Variants in SRCIN1 observed in about 807,000 individuals in gnomAD.
SRCIN1 encodes P130Cas-associated protein.
Under a neutral mutation model 116.2 loss-of-function variants are expected in SRCIN1, and 50 were observed. The observed-to-expected ratio is 0.43, with a 90% CI of 0.34 to 0.54. The LOEUF is 0.54. Among genes scored for constraint, SRCIN1 ranks in the 20% least tolerant of loss-of-function variants. The pLI is 0.02. For synonymous variants in SRCIN1, 736 were observed against 750.0 expected (o/e 0.98, Z 0.30); for missense variants, 1,446 against 1,672.0 (o/e 0.86, Z 2.36).
chr17:38,593,994 G>A lies in SRCIN1; in HGVS notation c.22+11690C>T, dbSNP rs567231385. On this transcript the variant is annotated intron_variant, in intron 1 of 18. Transcript: ENST00000617146. ...ACCTTTTTACGGAGGCAGAAAGTAA[G>A]TCTTGTAAGGTACTGAGCTCCCCAT... 2.6e-4 allele frequency among the ~76,000 whole-genome samples: 39 copies of A among 152,366 alleles called. 1 individual carries two copies. The South Asian group carries it at 7.9e-3, about 31-fold the overall frequency.
chr17:38,568,500 T>C lies in SRCIN1; in HGVS notation c.325-269A>G, dbSNP rs967202147. The stretch of plus-strand genomic sequence containing the variant: ...TGGGAAAAGGCACAGAGGATGGTGA[T>C]AGAGCGAACCCATGAGGCAGTCACA... On this transcript the variant is annotated intron_variant, in intron 2 of 18. Transcript: ENST00000617146. The surrounding 1 kb of genome is among the most constrained non-coding windows in gnomAD (Gnocchi z 4.5). Among the ~76,000 whole-genome samples the C allele has an allele frequency of 1.3e-5, 2 of 152,140 alleles. No homozygotes were observed. The highest frequency in any genetic ancestry group is 4.8e-5 in the African/African-American group (2 of 41,428).
Position 38,560,440 on chromosome 17 carries a change from G to T in SRCIN1, c.1701-15C>A. 6.2e-7 allele frequency: 1 copy of T among 1,600,024 alleles called. No individual in the cohort carries two copies. Among genetic ancestry groups the T allele is most frequent in the Non-Finnish European group, 8.5e-7 (1 of 1,173,132 alleles). On this transcript the variant is annotated splice_polypyrimidine_tract_variant and intron_variant, in intron 7 of 18. Transcript: ENST00000617146. ...CCATGCGCTCCCTGGGGAGGAAGGG[G>T]GTCTGGGCAACCTCGCCTCTGAGCA...
chr17:38,560,169 G>A, intron 8 of SRCIN1, 72 bp from the exon 9 acceptor site: 1 of 1,431,068 alleles, frequency 7.0e-7, no homozygotes, highest in Non-Finnish European at 9.4e-7. Context: ...GTGGAACCTT[G>A]GATGTCATCT....
Position 38,562,348 on chromosome 17 carries a change from G to C in SRCIN1, c.835-20C>G. ...CTCTCTCTGCGCAGAAGACAGCCCG[G>C]AACCCCACGGGGCTGGTCACCAAGG... On this transcript the variant is annotated intron_variant, in intron 6 of 18. Transcript: ENST00000617146. This position sits in a 1 kb window ranked among gnomAD's most constrained non-coding sequence, Gnocchi z 4.2. 6.3e-6 allele frequency: 9 copies of C among 1,432,070 alleles called. No homozygotes were observed. The highest frequency in any genetic ancestry group is 7.3e-6 in the Non-Finnish European group (8 of 1,102,890). The allele number at this position is 1,432,070 out of a possible 1,614,324, so 88.7% of individuals were successfully genotyped here. A position where few individuals can be genotyped will look rare whatever the true frequency, so the allele number is the denominator to read the frequency against.
At position 38,605,719 on chromosome 17, in the gene SRCIN1, G is replaced by A; in HGVS notation, c.-14C>T. On this transcript the variant is annotated 5_prime_UTR_variant, in exon 1 of 19. Transcript: ENST00000617146. ...AGCGTTCCCCATCGGGCGGGGGCGC[G>A]GGGGGCGGGGGCCCCGGGCCGGCCT... 1.7e-6 allele frequency: 2 copies of A among 1,192,150 alleles called. No homozygotes were observed. The highest frequency in any genetic ancestry group is 4.7e-5 in the Admixed American group (1 of 21,248). 73.8% of individuals were successfully genotyped at this position (1,192,150 alleles called of 1,614,324 possible). A position where few individuals can be genotyped will look rare whatever the true frequency, so the allele number is the denominator to read the frequency against.
rs566553631 is a variant in SRCIN1 at position 38,530,809 on chromosome 17, A to C, written c.*2488T>G. 1 of 152,406 alleles carries C rather than the reference A, an allele frequency of 6.6e-6. No individual in the cohort carries two copies. Among genetic ancestry groups the C allele is most frequent in the African/African-American group, 2.4e-5 (1 of 41,576 alleles). The allele number at this position is 152,406 out of a possible 1,614,324, so 9.4% of individuals were successfully genotyped here. ...CTCTCACGCTAACATGCAGGTAGGC[A>C]CGTGCCAATGCCCAAACAGGTTACA... On this transcript the variant is annotated 3_prime_UTR_variant, in exon 19 of 19. Transcript: ENST00000617146.
chr17:38,538,409 T>C (rs1464051409), intron 18 of SRCIN1, among the ~76,000 whole-genome samples: 6 of 123,214 alleles, frequency 4.9e-5, no homozygotes, highest in African/African-American at 2.3e-4. Flanking sequence ...AGAGTGAGAC[T>C]CCGTCTCAAA....
rs773389263 is a variant in SRCIN1 at position 38,552,071 on chromosome 17, C to T, written c.2542G>A (p.Val848Met). The change falls in exon 14 of 19, where the codon GTG becomes ATG. Residue 848 changes from valine (V) to methionine (M), a missense_variant. Physicochemically the swap from Val to Met is conservative, Grantham distance 21. This residue lies in a region of SRCIN1 where 531 missense variants were observed against 633.9 expected (regional missense o/e 0.84). Coordinates refer to ENST00000617146, the MANE Select transcript of SRCIN1 (RefSeq NM_025248.3). The surrounding 1 kb of genome is among the most constrained non-coding windows in gnomAD (Gnocchi z 5.3). ...NNLLSQSPKKVTAETDFNKSV... is the reference protein window; with the variant it reads ...NNLLSQSPKKMTAETDFNKSV... ...TTGTTGAAGTCAGTCTCTGCCGTCA[C>T]CTTCTTGGGGGACTGACTCAGGAGA... 4 of 1,613,574 alleles carry T rather than the reference C, an allele frequency of 2.5e-6. No individual in the cohort carries two copies. The highest frequency in any genetic ancestry group is 3.4e-6 in the Non-Finnish European group (4 of 1,179,890).
rs1246846811 is a variant in SRCIN1, at chr17:38,561,795, G to A, written c.1368C>T (p.Gly456=). 1.3e-6 allele frequency: 2 copies of A among 1,482,926 alleles called. No individual in the cohort carries two copies. The highest frequency in any genetic ancestry group is 2.7e-5 in the East Asian group (1 of 37,692). The allele number at this position is 1,482,926 out of a possible 1,614,324, so 91.9% of individuals were successfully genotyped here. ...DLEDSLYKAA[G]GGGPLYGDGY... ...CGTCGCCGTACAGCGGGCCGCCGCCGCCCGCCGCCTTGTACAGGGAGTCCT... is the reference window on the plus strand; with the variant it reads ...CGTCGCCGTACAGCGGGCCGCCGCCACCCGCCGCCTTGTACAGGGAGTCCT... Residue 456 remains glycine, a synonymous_variant, in exon 7 of 19, where the codon GGC becomes GGT. Transcript: ENST00000617146.
intron 18 of SRCIN1, among the ~76,000 whole-genome samples, chr17:38,538,569 C>A (rs73982821): frequency 0.024 from 3,638 of 152,232 alleles, 168 homozygotes; most frequent in African/African-American, 0.084. Flanking sequence ...TTACAGGATA[C>A]CTTTCCTTAT....
Position 38,563,583 on chromosome 17 carries a change from G to A in SRCIN1, c.542-62C>T. The A allele has an allele frequency of 6.5e-7, 1 of 1,534,490 alleles. No individual in the cohort carries two copies. The highest frequency in any genetic ancestry group is 1.4e-5 in the African/African-American group (1 of 73,106). ...CGTCTCCACGCCGCCCTCCAGGAGAGCGCGGGGAGCTTTTCGGAGCTGCGC... is the reference window on the plus strand; with the variant it reads ...CGTCTCCACGCCGCCCTCCAGGAGAACGCGGGGAGCTTTTCGGAGCTGCGC... On this transcript the variant is annotated intron_variant, in intron 4 of 18. Transcript: ENST00000617146. This position sits in a 1 kb window ranked among gnomAD's most constrained non-coding sequence, Gnocchi z 5.8.
Position 38,603,294 on chromosome 17 carries a change from A to G in SRCIN1, c.22+2390T>C, listed in dbSNP as rs151051119. ...CCCAGTGCCCAACCCAGTATCCTGC[A>G]CATCTTTAAGACGCCTGGAACCCAG... On this transcript the variant is annotated intron_variant, in intron 1 of 18. Coordinates refer to ENST00000617146, the MANE Select transcript of SRCIN1 (RefSeq NM_025248.3). Among the ~76,000 whole-genome samples the G allele has an allele frequency of 3.1e-3, 464 of 152,080 alleles. 1 individual carries two copies. The highest frequency in any genetic ancestry group is 0.011 in the African/African-American group (436 of 41,468).
Position 38,562,897 on chromosome 17 carries a change from A to G in SRCIN1, c.764T>C (p.Ile255Thr). Residue 255 changes from isoleucine (I) to threonine (T), a missense_variant, in exon 6 of 19, where the codon ATC (isoleucine) becomes ACC (threonine). Physicochemically the swap from Ile to Thr is moderately conservative, Grantham distance 89 (BLOSUM62 -1). This residue lies in a region of SRCIN1 where 239 missense variants were observed against 317.7 expected (regional missense o/e 0.75). Transcript: ENST00000617146. This position sits in a 1 kb window ranked among gnomAD's most constrained non-coding sequence, Gnocchi z 4.2. ...GAGGGGCTCCTTTCTGTAGATCTTG[A>G]TAATACTGCGGTCCTGGATGTCCCT... ...DVRDIQDRSI[I>T]KIYRKEPLYA... The G allele has an allele frequency of 6.2e-7, 1 of 1,613,772 alleles. No homozygotes were observed. Among genetic ancestry groups the G allele is most frequent in the Non-Finnish European group, 8.5e-7 (1 of 1,179,806 alleles).
At position 38,533,223 on chromosome 17, in the gene SRCIN1, G is replaced by A. The variant is rs1347676390; in HGVS notation, c.*74C>T. On this transcript the variant is annotated 3_prime_UTR_variant, in exon 19 of 19. Coordinates refer to ENST00000617146, the MANE Select transcript of SRCIN1 (RefSeq NM_025248.3). ...CTGGAGAGTAGGGTGGGGTGGGGTGGAGATGAAGGAAGAGAGGGGAGAAAT... is the reference window on the plus strand; with the variant it reads ...CTGGAGAGTAGGGTGGGGTGGGGTGAAGATGAAGGAAGAGAGGGGAGAAAT... 5.2e-5 allele frequency: 78 copies of A among 1,487,412 alleles called. No individual in the cohort carries two copies. Among genetic ancestry groups the A allele is most frequent in the Non-Finnish European group, 6.9e-5 (77 of 1,117,440 alleles). 92.1% of individuals were successfully genotyped at this position (1,487,412 alleles called of 1,614,324 possible). A position where few individuals can be genotyped will look rare whatever the true frequency, so the allele number is the denominator to read the frequency against.
intron 1 of SRCIN1, among the ~76,000 whole-genome samples, chr17:38,584,949 C>A (rs1162215746): frequency 6.6e-6 from 1 of 152,090 alleles, no homozygotes; most frequent in Admixed American, 6.5e-5. Context: ...TCTCTGGGGC[C>A]CCTGATGTGA....
chr17:38,571,214 C>T (rs1446223950), intron 2 of SRCIN1, among the ~76,000 whole-genome samples: 1 of 152,146 alleles, frequency 6.6e-6, no homozygotes, highest in Admixed American at 6.5e-5. Flanking sequence ...TGGGACATTC[C>T]CAGTCACTCC....
intron 1 of SRCIN1, among the ~76,000 whole-genome samples, chr17:38,591,936 T>C (rs1003936462): frequency 6.6e-6 from 1 of 152,242 alleles, no homozygotes; most frequent in African/African-American, 2.4e-5. Context: ...CTCTGGCTAG[T>C]GGCCTGAGGC....
At chr17:38,566,451 C>G (rs573609071) in intron 3 of SRCIN1, among the ~76,000 whole-genome samples, 1 of 152,106 alleles carries the variant, frequency 6.6e-6, no homozygotes, top group East Asian at 1.9e-4. Context: ...ACTTCCCCAC[C>G]ATAAGGGAGA....
intron 3 of SRCIN1, among the ~76,000 whole-genome samples, chr17:38,565,559 GACA>G (rs945581912): frequency 2.0e-5 from 3 of 151,982 alleles, no homozygotes; most frequent in African/African-American, 4.8e-5. Flanking sequence ...TTTAAAAAAA[GACA>G]ACAATAAAAT....
Sources: allele counts gnomAD v4.1 joint callset (sites outside exome capture counted in the v4.1 genomes callset), GRCh38; gene constraint gnomAD v4.1.1; regional missense constraint gnomAD v4.1.1; non-coding constraint Gnocchi (gnomAD v3.1); transcripts MANE v1.5; gene names NCBI Gene and HGNC (gene_info 2026-07-23, HGNC 2026-07-21).